The following CELF2 variants were observed in gnomAD, a reference collection of about 807,000 sequenced individuals.
The protein encoded by CELF2 is CUG triplet repeat RNA-binding protein 2.
CELF2 carries 8 observed loss-of-function variants against 62.6 expected under a neutral mutation model. That is an observed-to-expected ratio of 0.13 (90% CI 0.07 to 0.23). CELF2 has a LOEUF of 0.23. Among genes scored for constraint, CELF2 ranks in the 10% least tolerant of loss-of-function variants. CELF2 has a pLI of 1.00. For synonymous variants in CELF2, 258 were observed against 250.0 expected, an observed-to-expected ratio of 1.03 and a Z score of -0.30; for missense variants, 333 against 671.0, an observed-to-expected ratio of 0.50 and a Z score of 5.56.
Position 11,244,391 on chromosome 10 carries a change from C to T in CELF2, c.355-4762C>T, listed in dbSNP as rs1247445162. 5.9e-5 allele frequency among the ~76,000 whole-genome samples: 9 copies of T among 152,216 alleles called. No individual in the cohort carries two copies. The highest frequency in any genetic ancestry group is 1.3e-4 in the Admixed American group (2 of 15,284). On this transcript the variant is annotated intron_variant, in intron 3 of 12. Transcript: ENST00000633077. The surrounding 1 kb of genome is among the most constrained non-coding windows in gnomAD (Gnocchi z 4.2). The stretch of plus-strand genomic sequence containing the variant: ...TCCATTGGCCGGGCGTGGTGGCTCA[C>T]GCCTATAATCCCAGCACTTTGGGAG...
chr10:10,766,146 C>A, the CELF2 span, among the ~76,000 whole-genome samples: 1 of 152,186 alleles, frequency 6.6e-6, no homozygotes, highest in Non-Finnish European at 1.5e-5. Context: ...ACAGGAAGTG[C>A]AAATGCCATC....
the CELF2 span, among the ~76,000 whole-genome samples, chr10:10,729,794 T>C: frequency 6.6e-6 from 1 of 151,966 alleles, no homozygotes; most frequent in South Asian, 2.1e-4. Flanking sequence ...AAAAAGTTGG[T>C]CTTTTCATCA....
In CELF2 at chr10:11,163,456, C is replaced by T. The variant is rs537635585; in HGVS notation, c.75-2030C>T. Among the ~76,000 whole-genome samples, 9 of 152,344 alleles carry T rather than the reference C, an allele frequency of 5.9e-5. No homozygotes were observed. In the South Asian group the frequency reaches 1.7e-3, roughly 28 times the overall value. ...GGGCTCCACTGCCTCCACCCCGCTA[C>T]AGCCACAGACCCACAGGGTTCAAGT... On this transcript the variant is annotated intron_variant, in intron 1 of 12. Transcript: ENST00000633077.
chr10:10,695,886 G>A, the CELF2 span, among the ~76,000 whole-genome samples: 1 of 151,490 alleles, frequency 6.6e-6, no homozygotes, highest in Non-Finnish European at 1.5e-5. Context: ...CTCTGTATTG[G>A]TTATTCTAGA....
chr10:10,694,779 T>A, the CELF2 span, among the ~76,000 whole-genome samples: 5 of 151,858 alleles, frequency 3.3e-5, no homozygotes. Flanking sequence ...GCCTTCTTTG[T>A]CTCTTTTGAT....
the CELF2 span, among the ~76,000 whole-genome samples, chr10:10,734,540 A>T: frequency 6.6e-6 from 1 of 152,164 alleles, no homozygotes; most frequent in Non-Finnish European, 1.5e-5. Context: ...TGTCCTCTGT[A>T]ACCCAGGACG....
In CELF2 at chr10:11,246,817, A is replaced by G. The variant is rs1298431251; in HGVS notation, c.355-2336A>G. 6.6e-6 allele frequency among the ~76,000 whole-genome samples: 1 copy of G among 152,176 alleles called. No individual in the cohort carries two copies. The highest frequency in any genetic ancestry group is 2.1e-4 in the South Asian group (1 of 4,818). ...TGTGGCTTCACTGTCACGCTAAGGAACATTCTCTGTGGCCCTGGCCCGTCT... is the reference window on the plus strand; with the variant it reads ...TGTGGCTTCACTGTCACGCTAAGGAGCATTCTCTGTGGCCCTGGCCCGTCT... On this transcript the variant is annotated intron_variant, in intron 3 of 12. Transcript: ENST00000633077. The surrounding 1 kb of genome is among the most constrained non-coding windows in gnomAD (Gnocchi z 4.6).
intron 1 of CELF2, among the ~76,000 whole-genome samples, chr10:11,045,556 A>G (rs1172141791): frequency 6.6e-6 from 1 of 152,226 alleles, no homozygotes. Context: ...ACCTAATGAA[A>G]TGCTCAATAA....
At chr10:10,585,286 A>G in the CELF2 span, among the ~76,000 whole-genome samples, 706 of 152,318 alleles carry the variant, frequency 4.6e-3, 2 homozygotes, top group Admixed American at 7.8e-3. Flanking sequence ...AATACCCCTA[A>G]GTCTGCGGAC....
the CELF2 span, among the ~76,000 whole-genome samples, chr10:10,613,572 T>G: frequency 6.6e-6 from 1 of 152,214 alleles, no homozygotes; most frequent in Admixed American, 6.5e-5. Context: ...TATTGTTTAA[T>G]TACAGAGATG....
chr10:10,627,229 G>T, the CELF2 span, among the ~76,000 whole-genome samples: 27 of 152,144 alleles, frequency 1.8e-4, no homozygotes, highest in Non-Finnish European at 3.7e-4. Flanking sequence ...TTCCCAAGAA[G>T]ACCTCTGAAT....
chr10:11,254,117 G>A (rs545414906), intron 4 of CELF2, among the ~76,000 whole-genome samples: 42 of 152,346 alleles, frequency 2.8e-4, no homozygotes, highest in African/African-American at 1.0e-3. Context: ...CAAAATAACT[G>A]TGTTCTTGTA....
chr10:10,640,550 G>A, the CELF2 span, among the ~76,000 whole-genome samples: 3 of 152,248 alleles, frequency 2.0e-5, no homozygotes, highest in Middle Eastern at 3.4e-3. Context: ...GTCTGATTCT[G>A]TAATGGCTTG....
the CELF2 span, among the ~76,000 whole-genome samples, chr10:10,720,727 G>T: frequency 6.6e-6 from 1 of 152,146 alleles, no homozygotes; most frequent in African/African-American, 2.4e-5. Context: ...AGCAACCCTC[G>T]TTAATCACGA....
chr10:11,124,436 G>T lies in CELF2; in HGVS notation c.75-41050G>T, dbSNP rs932167297. On this transcript the variant is annotated intron_variant, in intron 1 of 12. Coordinates refer to ENST00000633077, the MANE Select transcript of CELF2 (RefSeq NM_001326342.2). ...AAAGATGGAAATGGGATGGGATAAA[G>T]GTTGCTCCATTGAAAATAAATTGCA... Among the ~76,000 whole-genome samples, 40 of 152,150 alleles carry T rather than the reference G, an allele frequency of 2.6e-4. 1 individual carries two copies. Among genetic ancestry groups the T allele is most frequent in the Admixed American group, 1.2e-3 (18 of 15,276 alleles).
chr10:10,806,368 C>G (rs1335257635), intron 1 of CELF2, among the ~76,000 whole-genome samples: 1 of 152,082 alleles, frequency 6.6e-6, no homozygotes, highest in African/African-American at 2.4e-5. Flanking sequence ...CCACACCCAG[C>G]TAATTTCTGT....
chr10:10,551,544 C>T, the CELF2 span, among the ~76,000 whole-genome samples: 1 of 152,090 alleles, frequency 6.6e-6, no homozygotes, highest in African/African-American at 2.4e-5. Flanking sequence ...TTCACAGTTT[C>T]ATAGGATTTT....
At chr10:10,765,553 C>T in the CELF2 span, among the ~76,000 whole-genome samples, 5 of 152,150 alleles carry the variant, frequency 3.3e-5, no homozygotes, top group East Asian at 1.9e-4. Flanking sequence ...AACAAGATGC[C>T]GTAAGAGGAA....
At chr10:10,676,965 A>G in the CELF2 span, among the ~76,000 whole-genome samples, 8 of 152,198 alleles carry the variant, frequency 5.3e-5, no homozygotes, top group African/African-American at 1.9e-4. Flanking sequence ...TAAGGGCTAG[A>G]TGAACTAAAT....
Sources: gnomAD v4.1 joint callset for allele counts (sites outside exome capture counted in the v4.1 genomes callset) on GRCh38, gnomAD v4.1.1 for gene constraint, Gnocchi (gnomAD v3.1) non-coding constraint, MANE v1.5 for transcripts, NCBI Gene and HGNC (gene_info 2026-07-23, HGNC 2026-07-21) for gene names.